The following DNM2 variants were observed in gnomAD, a reference collection of about 807,000 sequenced individuals.
DNM2 encodes dynamin 2, also known as dynamin-2.
Under a neutral mutation model 99.0 loss-of-function variants are expected in DNM2, and 15 were observed. That is an observed-to-expected ratio of 0.15 (90% CI 0.10 to 0.23). The LOEUF is 0.23. Ranked by LOEUF, DNM2 falls within the 10% of genes least tolerant of loss-of-function variation. DNM2 has a pLI of 1.00. For missense variants in DNM2, 742 were observed against 1,189.4 expected (o/e 0.62, Z 5.53); for synonymous variants, 525 against 481.2 (o/e 1.09, Z -1.19).
intron 2 of DNM2, among the ~76,000 whole-genome samples, chr19:10,767,512 A>G (rs1215131484): frequency 3.9e-5 from 6 of 152,164 alleles, no homozygotes; most frequent in Admixed American, 6.5e-5. Flanking sequence ...GGATCTTGCT[A>G]TGTTGCCCAG....
rs1031221085 is a variant in DNM2, at chr19:10,823,683, G to C, written c.1782-105G>C. 56 of 1,167,180 alleles carry C rather than the reference G, an allele frequency of 4.8e-5. No homozygotes were observed. In the East Asian group the frequency reaches 1.4e-3, roughly 28 times the overall value. The allele number at this position is 1,167,180 out of a possible 1,614,324, so 72.3% of individuals were successfully genotyped here. ...CCAGGTGAAGCCTGGGTTGGGTTTG[G>C]GTTCCTGATCAGTCAGAAAGACCCC... On this transcript the variant is annotated intron_variant, in intron 16 of 20. Transcript: ENST00000389253.
chr19:10,728,454 A>G (rs542192684), intron 1 of DNM2, among the ~76,000 whole-genome samples: 6 of 152,278 alleles, frequency 3.9e-5, no homozygotes, highest in African/African-American at 1.4e-4. Flanking sequence ...AGCAGGGCTG[A>G]ATGGTGGGCA....
At position 10,816,309 on chromosome 19, in the gene DNM2, TC is replaced by T. The variant is rs1453736819; in HGVS notation, c.1672-3669del. ...GGCCAGACGCTCATCTCTGGAATGT[TC>T]CTGAAACCTCAGGAGCCCTGAGGCT... is the stretch of plus-strand genomic sequence containing the variant. On this transcript the variant is annotated intron_variant, in intron 15 of 20. Coordinates refer to ENST00000389253, the MANE Select transcript of DNM2 (RefSeq NM_001005361.3). The surrounding 1 kb of genome is among the most constrained non-coding windows in gnomAD (Gnocchi z 4.6). Among the ~76,000 whole-genome samples, 1 of 152,062 alleles carries T rather than the reference TC, an allele frequency of 6.6e-6. No homozygotes were observed. The highest frequency in any genetic ancestry group is 1.9e-4 in the East Asian group (1 of 5,174).
At chr19:10,789,972 G>C (rs551048261) in intron 7 of DNM2, among the ~76,000 whole-genome samples, 1 of 152,376 alleles carries the variant, frequency 6.6e-6, no homozygotes, top group East Asian at 1.9e-4. Flanking sequence ...TTTGTAACCA[G>C]TTGCCTTGCA....
Position 10,831,107 on chromosome 19 carries a change from T to C in DNM2, c.*60T>C, listed in dbSNP as rs1249056279. On this transcript the variant is annotated 3_prime_UTR_variant, in exon 21 of 21. Coordinates refer to ENST00000389253, the MANE Select transcript of DNM2 (RefSeq NM_001005361.3). This position sits in a 1 kb window ranked among gnomAD's most constrained non-coding sequence, Gnocchi z 4.3. Reference sequence around the variant, plus strand: ...CGCACCCGCGGCGCAGGAGCTTCAGTGGTCTGGGGCCCTCCGCCGCCCCTA... The same window carrying C: ...CGCACCCGCGGCGCAGGAGCTTCAGCGGTCTGGGGCCCTCCGCCGCCCCTA... The C allele has an allele frequency of 2.0e-6, 3 of 1,538,190 alleles. No homozygotes were observed. The highest frequency in any genetic ancestry group is 2.0e-5 in the Admixed American group (1 of 49,760).
At chr19:10,731,038 G>T (rs960162882) in intron 1 of DNM2, among the ~76,000 whole-genome samples, 3 of 152,152 alleles carry the variant, frequency 2.0e-5, no homozygotes, top group African/African-American at 7.2e-5. Context: ...ACACACTTTC[G>T]CGGTGATGAG....
At chr19:10,753,667 T>C (rs1455846415) in intron 1 of DNM2, among the ~76,000 whole-genome samples, 1 of 151,840 alleles carries the variant, frequency 6.6e-6, no homozygotes, top group Non-Finnish European at 1.5e-5. Flanking sequence ...GTTTTGTTTT[T>C]TTCCCCCGAG....
At chr19:10,728,689 T>C (rs1599425443) in intron 1 of DNM2, among the ~76,000 whole-genome samples, 1 of 152,170 alleles carries the variant, frequency 6.6e-6, no homozygotes, top group East Asian at 1.9e-4. Flanking sequence ...GGCTCACACC[T>C]GTAATCCCAG....
At chr19:10,819,843 G>A in intron 15 of DNM2, 137 bp from the exon 16 acceptor site, 1 of 797,804 alleles carries the variant, frequency 1.3e-6, no homozygotes, top group African/African-American at 1.7e-5. Context: ...AGGGCCGGCA[G>A]ATGGGCTCAT....
At position 10,820,171 on chromosome 19, in the gene DNM2, G is replaced by C. The variant is rs1274413104; in HGVS notation, c.1781+82G>C. 1 of 1,379,098 alleles carries C rather than the reference G, an allele frequency of 7.3e-7. No individual in the cohort carries two copies. Among genetic ancestry groups the C allele is most frequent in the East Asian group, 2.3e-5 (1 of 43,450 alleles). 85.4% of individuals were successfully genotyped at this position (1,379,098 alleles called of 1,614,324 possible). A position where few individuals can be genotyped will look rare whatever the true frequency, so the allele number is the denominator to read the frequency against. On this transcript the variant is annotated intron_variant, in intron 16 of 20. Transcript: ENST00000389253. This position sits in a 1 kb window ranked among gnomAD's most constrained non-coding sequence, Gnocchi z 4.3. ...CACTCCACAACCTTCACTGAGCACT[G>C]AGCACCTGGCTGTCAGCAGTCCCTG...
At chr19:10,732,300 A>T (rs542901981) in intron 1 of DNM2, among the ~76,000 whole-genome samples, 2 of 91,892 alleles carry the variant, frequency 2.2e-5, no homozygotes, top group Admixed American at 1.9e-4. Flanking sequence ...CGTTGTGGAG[A>T]AAAAAAAAAA....
Position 10,812,553 on chromosome 19 carries a change from G to T in DNM2, c.1671+176G>T, listed in dbSNP as rs1490296888. On this transcript the variant is annotated intron_variant, in intron 15 of 20. Coordinates refer to ENST00000389253, the MANE Select transcript of DNM2 (RefSeq NM_001005361.3). The surrounding 1 kb of genome is among the most constrained non-coding windows in gnomAD (Gnocchi z 4.0). ...CCTGTAATCCCAGCACTTTGGGAGG[G>T]CGAGGCAGGTAGATCACGAGGTCGG... is the stretch of plus-strand genomic sequence containing the variant. Among the ~76,000 whole-genome samples, 2 of 152,048 alleles carry T rather than the reference G, an allele frequency of 1.3e-5. No homozygotes were observed. The highest frequency in any genetic ancestry group is 4.8e-5 in the African/African-American group (2 of 41,380).
chr19:10,757,152 G>A (rs1015401487), intron 1 of DNM2, among the ~76,000 whole-genome samples: 1 of 152,126 alleles, frequency 6.6e-6, no homozygotes, highest in Admixed American at 6.5e-5. Flanking sequence ...CTTCAGCCCT[G>A]CTCTGCCAGC....
At chr19:10,806,022 G>A (rs2072324851) in intron 13 of DNM2, 55 bp downstream of exon 13, 2 of 1,611,594 alleles carry the variant, frequency 1.2e-6, no homozygotes, top group East Asian at 2.2e-5. Flanking sequence ...AGGACGCTAA[G>A]TGACAGCTAA....
Position 10,823,693 on chromosome 19 carries a change from C to A in DNM2, c.1782-95C>A, listed in dbSNP as rs2073055140. ...CCTGGGTTGGGTTTGGGTTCCTGAT[C>A]AGTCAGAAAGACCCCTAGAGCCCAT... On this transcript the variant is annotated intron_variant, in intron 16 of 20. Transcript: ENST00000389253. The A allele has an allele frequency of 4.7e-6, 6 of 1,272,376 alleles. No homozygotes were observed. In the East Asian group the frequency reaches 1.2e-4, roughly 25 times the overall value. 78.8% of individuals were successfully genotyped at this position (1,272,376 alleles called of 1,614,324 possible). A position where few individuals can be genotyped will look rare whatever the true frequency, so the allele number is the denominator to read the frequency against.
intron 19 of DNM2, among the ~76,000 whole-genome samples, chr19:10,829,793 G>A (rs2073270968): frequency 6.6e-6 from 1 of 152,170 alleles, no homozygotes; most frequent in Admixed American, 6.5e-5. Flanking sequence ...CAGGGACTGA[G>A]GCCCAGGAGG....
chr19:10,821,607 C>T (rs187600497), intron 16 of DNM2, among the ~76,000 whole-genome samples: 5 of 152,262 alleles, frequency 3.3e-5, no homozygotes, highest in Non-Finnish European at 5.9e-5. Context: ...TCTCAGCTCA[C>T]CGCAACCTCT....
chr19:10,720,207 T>A (rs894590170), intron 1 of DNM2, among the ~76,000 whole-genome samples: 5 of 145,498 alleles, frequency 3.4e-5, no homozygotes, highest in Admixed American at 6.8e-5. Context: ...TTATTTTATT[T>A]ATTTATTTAT....
chr19:10,803,534 G>A, intron 12 of DNM2: 3 of 796,032 alleles, frequency 3.8e-6, no homozygotes, highest in Non-Finnish European at 4.6e-6. Context: ...TCACCTTGAT[G>A]TCTCTGCTTC....
Sources: allele counts gnomAD v4.1 joint callset (sites outside exome capture counted in the v4.1 genomes callset), GRCh38; gene constraint gnomAD v4.1.1; non-coding constraint Gnocchi (gnomAD v3.1); transcripts MANE v1.5; gene names NCBI Gene and HGNC (gene_info 2026-07-23, HGNC 2026-07-21).